LINGO1: variants seen among roughly 807,000 people sequenced by gnomAD.
The protein encoded by LINGO1 is leucine-rich repeat and immunoglobulin-like domain-containing nogo receptor-interacting protein 1.
LINGO1 carries 11 observed loss-of-function variants against 37.3 expected under a neutral mutation model. That is an observed-to-expected ratio of 0.29 (90% confidence interval 0.19 to 0.49). LINGO1 has a LOEUF of 0.49. Ranked by LOEUF, LINGO1 falls within the 20% of genes least tolerant of loss-of-function variation. The probability of loss-of-function intolerance (pLI) is 0.99; values close to 1 mark genes in which losing one functional copy is unlikely to be tolerated. For missense variants in LINGO1, 585 were observed against 878.2 expected (o/e 0.67, Z 4.22); for synonymous variants, 387 against 403.0 (o/e 0.96, Z 0.48).
intron 2 of LINGO1, among the ~76,000 whole-genome samples, chr15:77,710,349 G>A (rs1029707989): frequency 2.0e-4 from 31 of 152,360 alleles, no homozygotes; most frequent in African/African-American, 6.7e-4. Context: ...AGGGACGTGA[G>A]GAATGGGCTT....
intron 3 of LINGO1, among the ~76,000 whole-genome samples, chr15:77,664,590 G>A (rs1017315475): frequency 6.6e-6 from 1 of 152,224 alleles, no homozygotes; most frequent in Admixed American, 6.5e-5. Flanking sequence ...AGGCACTCAG[G>A]TATGTGTGGG....
chr15:77,666,628 C>A (rs1250214834), intron 3 of LINGO1, among the ~76,000 whole-genome samples: 1 of 152,234 alleles, frequency 6.6e-6, no homozygotes, highest in East Asian at 1.9e-4. Context: ...ATGCTGCCCA[C>A]CACTTAACAA....
chr15:77,724,013 C>A (rs751699969), intron 2 of LINGO1, among the ~76,000 whole-genome samples: 6 of 152,294 alleles, frequency 3.9e-5, no homozygotes, highest in Middle Eastern at 3.4e-3. Flanking sequence ...GGAGGAGGAA[C>A]ACAGAAATAG....
chr15:77,759,436 C>G (rs2076452777), intron 1 of LINGO1, among the ~76,000 whole-genome samples: 1 of 152,232 alleles, frequency 6.6e-6, no homozygotes, highest in Non-Finnish European at 1.5e-5. Flanking sequence ...GGGCCTGAGG[C>G]AGCAAGCTGT....
intron 1 of LINGO1, among the ~76,000 whole-genome samples, chr15:77,738,795 GGAAGGAAGGAAGGAAGGAAA>G (rs1457482623): frequency 2.0e-5 from 3 of 151,212 alleles, no homozygotes; most frequent in Non-Finnish European, 3.0e-5. Flanking sequence ...AAGGAAGGAA[GGAAGGAAGGAAGGAAGGAAA>G]GAAGGAAGGA....
At chr15:77,708,566 C>T (rs934120816) in intron 2 of LINGO1, among the ~76,000 whole-genome samples, 20 of 152,230 alleles carry the variant, frequency 1.3e-4, no homozygotes, top group Non-Finnish European at 4.4e-5. Flanking sequence ...GGAGGTCATA[C>T]TGGAATAGGG....
chr15:77,707,174 T>C (rs1287345512), intron 2 of LINGO1, among the ~76,000 whole-genome samples: 3 of 152,102 alleles, frequency 2.0e-5, no homozygotes, highest in African/African-American at 4.8e-5. Flanking sequence ...TGTCTTCTGA[T>C]GCTCCAGGAG....
Position 77,632,329 on chromosome 15 carries a change from T to TC in LINGO1, c.-15dup. On this transcript the variant is annotated 5_prime_UTR_variant, in exon 1 of 2. Transcript: ENST00000355300. The surrounding 1 kb of genome is among the most constrained non-coding windows in gnomAD (Gnocchi z 6.0). ...GCTCACCTGCATCTCGGGCGCGCCT[T>TC]CGGTCCGCTCGGCTCGGTCACCAAT... The TC allele has an allele frequency of 7.0e-7, 1 of 1,436,514 alleles. No homozygotes were observed. The highest frequency in any genetic ancestry group is 9.1e-7 in the Non-Finnish European group (1 of 1,095,122). The allele number at this position is 1,436,514 out of a possible 1,614,324, so 89.0% of individuals were successfully genotyped here.
chr15:77,786,270 G>T (rs1185104246), intron 1 of LINGO1, among the ~76,000 whole-genome samples: 1 of 152,250 alleles, frequency 6.6e-6, no homozygotes. Context: ...GGAAAAAGAG[G>T]TCCAGAGAGC....
At chr15:77,738,917 C>A (rs1338523849) in intron 1 of LINGO1, among the ~76,000 whole-genome samples, 2 of 152,270 alleles carry the variant, frequency 1.3e-5, no homozygotes, top group African/African-American at 4.8e-5. Context: ...CAGGCAGGAG[C>A]CAGAGGGCAT....
At chr15:77,794,384 ATACATACATATATACGTATATATGTG>A in intron 2 of LINGO1, among the ~76,000 whole-genome samples, 1 of 75,218 alleles carries the variant, frequency 1.3e-5, no homozygotes, top group South Asian at 4.1e-4. Flanking sequence ...GTATATGTAT[ATACATACATATATACGTATATATGTG>A]TATATACATA....
intron 3 of LINGO1, among the ~76,000 whole-genome samples, chr15:77,665,426 A>G (rs758172449): frequency 6.6e-6 from 1 of 152,048 alleles, no homozygotes; most frequent in Non-Finnish European, 1.5e-5. Context: ...CTTGTGTGTG[A>G]CCCTGGGTAG....
At chr15:77,773,048 G>T (rs1023887591) in intron 1 of LINGO1, among the ~76,000 whole-genome samples, 18 of 152,354 alleles carry the variant, frequency 1.2e-4, no homozygotes, top group Admixed American at 1.0e-3. Flanking sequence ...CAAGGCGGGT[G>T]TCCCCCATGG....
At position 77,705,649 on chromosome 15, in the gene LINGO1, G is replaced by A. The variant is rs1456359203; in HGVS notation, c.-194-14748C>T. ...GCCACCCTGTCCTGGGCACTGCCAC[G>A]CTCGGAAAGCCCTGACTTGGAGCTA... On this transcript the variant is annotated intron_variant, in intron 2 of 3. Coordinates refer to the LINGO1 transcript ENST00000561686. 2.0e-5 allele frequency among the ~76,000 whole-genome samples: 3 copies of A among 152,340 alleles called. No homozygotes were observed. The East Asian group carries it at 5.8e-4, about 29-fold the overall frequency.
chr15:77,761,836 G>GC (rs1222731528), intron 1 of LINGO1, among the ~76,000 whole-genome samples: 13 of 152,190 alleles, frequency 8.5e-5, no homozygotes, highest in Non-Finnish European at 1.6e-4. Context: ...GCTCATTGAG[G>GC]CCCTGTCACA....
intron 2 of LINGO1, among the ~76,000 whole-genome samples, chr15:77,704,889 G>A (rs374898938): frequency 6.6e-6 from 1 of 152,068 alleles, no homozygotes; most frequent in Non-Finnish European, 1.5e-5. Flanking sequence ...GCCCCACAGT[G>A]TAAATCCTGA....
In LINGO1 at chr15:77,772,775, CT is replaced by C. The variant is rs567187080; in HGVS notation, c.-257+14093del. Among the ~76,000 whole-genome samples the C allele has an allele frequency of 3.4e-3, 511 of 152,316 alleles. 3 individuals carry two copies. Among genetic ancestry groups the C allele is most frequent in the African/African-American group, 0.011 (471 of 41,558 alleles). On this transcript the variant is annotated intron_variant, in intron 1 of 3. Coordinates refer to the LINGO1 transcript ENST00000561686. ...ACAGTAATAAAGCCAGAAAAGCCCT[CT>C]TTCCCCCCACCTCCAGCTGCCTGCC...
chr15:77,679,231 A>C (rs748943994), intron 2 of LINGO1, among the ~76,000 whole-genome samples: 2 of 152,164 alleles, frequency 1.3e-5, no homozygotes, highest in Non-Finnish European at 2.9e-5. Flanking sequence ...CATTTCCTTA[A>C]TTACTAATAA....
upstream of LINGO1, among the ~76,000 whole-genome samples, chr15:77,635,404 G>T (rs866815408): frequency 7.2e-5 from 11 of 152,164 alleles, no homozygotes; most frequent in South Asian, 2.1e-4. Context: ...GGAAAAGGGG[G>T]TCTGTCACTG....
Sources: allele counts gnomAD v4.1 joint callset (sites outside exome capture counted in the v4.1 genomes callset), GRCh38; gene constraint gnomAD v4.1.1; non-coding constraint Gnocchi (gnomAD v3.1); transcripts MANE v1.5; gene names NCBI Gene and HGNC (gene_info 2026-07-23, HGNC 2026-07-21).